The following ZNF804B variants were observed in gnomAD, a reference collection of about 807,000 sequenced individuals.
ZNF804B encodes the protein zinc finger protein 804B.
A neutral mutation model predicts 101.4 loss-of-function variants in ZNF804B; 80 were observed. That is an observed-to-expected ratio of 0.79 (90% CI 0.66 to 0.95). ZNF804B has a LOEUF of 0.95. Among genes scored for constraint, ZNF804B ranks in the 40% least tolerant of loss-of-function variants. ZNF804B has a pLI of 0.00. For synonymous variants in ZNF804B, 622 were observed against 558.8 expected (o/e 1.11, Z -1.59); for missense variants, 1,673 against 1,561.9 (o/e 1.07, Z -1.20).
chr7:89,297,251 A>T (rs1333891808), intron 2 of ZNF804B, among the ~76,000 whole-genome samples: 1 of 152,030 alleles, frequency 6.6e-6, no homozygotes, highest in Non-Finnish European at 1.5e-5. Context: ...CGGAGTAGCA[A>T]ACTTAAAAAT....
intron 1 of ZNF804B, among the ~76,000 whole-genome samples, chr7:88,899,493 C>A (rs1792357410): frequency 6.6e-6 from 1 of 152,142 alleles, no homozygotes; most frequent in Non-Finnish European, 1.5e-5. Flanking sequence ...CTGTCATATT[C>A]TTCATTCAAG....
At chr7:89,330,262 A>T (rs1790958917) in intron 3 of ZNF804B, among the ~76,000 whole-genome samples, 1 of 151,562 alleles carries the variant, frequency 6.6e-6, no homozygotes, top group South Asian at 2.1e-4. Context: ...AAAGTTTATA[A>T]ACTTTCCGAT....
intron 2 of ZNF804B, among the ~76,000 whole-genome samples, chr7:89,245,598 C>A (rs771026121): frequency 2.6e-5 from 4 of 152,114 alleles, no homozygotes; most frequent in Admixed American, 6.5e-5. Context: ...AAGAAAATAT[C>A]AAAAATAATG....
intron 1 of ZNF804B, among the ~76,000 whole-genome samples, chr7:89,042,642 A>G (rs1430735450): frequency 1.3e-5 from 2 of 152,162 alleles, no homozygotes; most frequent in East Asian, 1.9e-4. Flanking sequence ...CCCTAATTTC[A>G]GCTATCATAA....
intron 1 of ZNF804B, among the ~76,000 whole-genome samples, chr7:88,815,823 C>T (rs1050453147): frequency 6.6e-6 from 1 of 151,722 alleles, no homozygotes; most frequent in African/African-American, 2.4e-5. Flanking sequence ...TGCATGGTCA[C>T]CATTTTTAAC....
intron 1 of ZNF804B, among the ~76,000 whole-genome samples, chr7:88,919,753 A>T (rs1792692115): frequency 6.6e-6 from 1 of 152,174 alleles, no homozygotes; most frequent in African/African-American, 2.4e-5. Context: ...CAAAAGTAAC[A>T]GATTTCCCTA....
chr7:88,835,354 A>T (rs1270659540), intron 1 of ZNF804B, among the ~76,000 whole-genome samples: 1 of 151,896 alleles, frequency 6.6e-6, no homozygotes, highest in Admixed American at 6.6e-5. Flanking sequence ...CCGTCAAAAA[A>T]GGGGAACCAG....
intron 1 of ZNF804B, among the ~76,000 whole-genome samples, chr7:88,774,205 T>G (rs906137325): frequency 2.5e-5 from 3 of 118,962 alleles, no homozygotes; most frequent in African/African-American, 2.8e-5. Context: ...TTTTTAAGTT[T>G]TTTTTTTTTT....
intron 1 of ZNF804B, among the ~76,000 whole-genome samples, chr7:89,175,556 G>C (rs572912954): frequency 2.1e-5 from 3 of 143,998 alleles, no homozygotes; most frequent in East Asian, 3.9e-4. Flanking sequence ...GGCTATTCTA[G>C]CTCTGTGATT....
chr7:89,297,242 G>A (rs576579976), intron 2 of ZNF804B, among the ~76,000 whole-genome samples: 38 of 151,952 alleles, frequency 2.5e-4, no homozygotes, highest in African/African-American at 8.2e-4. Context: ...ATGCTGTCCC[G>A]GAGTAGCAAA....
At chr7:88,984,376 C>T (rs1793731957) in intron 1 of ZNF804B, among the ~76,000 whole-genome samples, 1 of 151,976 alleles carries the variant, frequency 6.6e-6, no homozygotes, top group Non-Finnish European at 1.5e-5. Flanking sequence ...TGTGTTTTTG[C>T]ATGTTTTTGT....
chr7:88,776,597 T>C, intron 1 of ZNF804B, among the ~76,000 whole-genome samples: 2 of 145,326 alleles, frequency 1.4e-5, no homozygotes, highest in Non-Finnish European at 3.0e-5. Context: ...CAAATTGAGT[T>C]AAGTAGACCA....
At chr7:89,286,002 T>C (rs1790191184) in intron 2 of ZNF804B, among the ~76,000 whole-genome samples, 1 of 152,142 alleles carries the variant, frequency 6.6e-6, no homozygotes, top group Admixed American at 6.5e-5. Flanking sequence ...TAATGAACAC[T>C]TTTTCTGGAT....
intron 3 of ZNF804B, among the ~76,000 whole-genome samples, chr7:89,329,778 G>C (rs956858366): frequency 6.6e-6 from 1 of 151,400 alleles, no homozygotes; most frequent in Non-Finnish European, 1.5e-5. Flanking sequence ...AAAAATTTTA[G>C]GGCCACTGAT....
rs200435890 is a variant in ZNF804B at position 88,776,943 on chromosome 7, A to C, written c.108+16859A>C. On this transcript the variant is annotated intron_variant, in intron 1 of 3. Coordinates refer to ENST00000333190, the MANE Select transcript of ZNF804B (RefSeq NM_181646.5). ...GTTTACCGATGTGTTAAAAAGCCTG[A>C]GGGAGAGAAAAGAGTTAGTTGCTAT... Among the ~76,000 whole-genome samples, 10 of 152,286 alleles carry C rather than the reference A, an allele frequency of 6.6e-5. No individual in the cohort carries two copies. In the East Asian group the frequency reaches 1.9e-3, roughly 29 times the overall value.
chr7:89,179,153 A>T (rs547256361), intron 1 of ZNF804B, among the ~76,000 whole-genome samples: 1 of 152,168 alleles, frequency 6.6e-6, no homozygotes, highest in East Asian at 1.9e-4. Flanking sequence ...ATTTGGGTTA[A>T]ATCTGCATGG....
chr7:89,220,559 A>G lies in ZNF804B; in HGVS notation c.249+2264A>G, dbSNP rs112025142. ...CATCATCGCTCACCACACCTCCACC[A>G]TTGTTACATTATTTTGAAGCAAGTG... On this transcript the variant is annotated intron_variant, in intron 2 of 3. Transcript: ENST00000333190. 2.6e-3 allele frequency among the ~76,000 whole-genome samples: 394 copies of G among 151,958 alleles called. 3 individuals carry two copies. Among genetic ancestry groups the G allele is most frequent in the African/African-American group, 9.2e-3 (381 of 41,496 alleles).
chr7:89,118,586 T>C (rs1790351540), intron 1 of ZNF804B, among the ~76,000 whole-genome samples: 2 of 151,646 alleles, frequency 1.3e-5, no homozygotes, highest in Admixed American at 6.6e-5. Flanking sequence ...GAAAAAAAAA[T>C]GGCCGTAATA....
At chr7:88,983,592 T>A (rs1437677903) in intron 1 of ZNF804B, among the ~76,000 whole-genome samples, 1 of 152,036 alleles carries the variant, frequency 6.6e-6, no homozygotes, top group African/African-American at 2.4e-5. Context: ...AAAATATGCA[T>A]CAGATTTCAA....
Sources: gnomAD v4.1 joint callset for allele counts (sites outside exome capture counted in the v4.1 genomes callset) on GRCh38, gnomAD v4.1.1 for gene constraint, MANE v1.5 for transcripts, NCBI Gene and HGNC (gene_info 2026-07-23, HGNC 2026-07-21) for gene names.